Variants in PARVA observed in about 807,000 individuals in gnomAD.
PARVA encodes the protein parvin alpha.
PARVA carries 25 observed loss-of-function variants against 52.6 expected under a neutral mutation model. The observed-to-expected ratio is 0.48, with a 90% CI of 0.35 to 0.66. The LOEUF (loss-of-function observed/expected upper bound fraction) is 0.66, where lower values mean the gene tolerates loss of function less well. Among genes scored for constraint, PARVA ranks in the 30% least tolerant of loss-of-function variants. The probability of loss-of-function intolerance (pLI) is 0.01; values close to 1 mark genes in which losing one functional copy is unlikely to be tolerated. For synonymous variants in PARVA, 185 were observed against 179.1 expected, an observed-to-expected ratio of 1.03 and a Z score of -0.26; for missense variants, 373 against 450.9, an observed-to-expected ratio of 0.83 and a Z score of 1.56.
At chr11:12,474,028 C>G (rs2288290) in intron 3 of PARVA, 45 bp downstream of exon 3, 328,270 of 1,455,632 alleles carry the variant, frequency 0.23, 40,566 homozygotes, top group Admixed American at 0.42. Context: ...ACTGACCCAC[C>G]ATGTGTCCAT....
At chr11:12,437,639 T>C (rs1940404556) in intron 1 of PARVA, among the ~76,000 whole-genome samples, 1 of 152,222 alleles carries the variant, frequency 6.6e-6, no homozygotes, top group South Asian at 2.1e-4. Context: ...ATAGGGATGA[T>C]GCTATGTTGG....
chr11:12,441,489 A>G (rs1940466323), intron 1 of PARVA, among the ~76,000 whole-genome samples: 1 of 152,206 alleles, frequency 6.6e-6, no homozygotes, highest in South Asian at 2.1e-4. Context: ...TAATTGGCTT[A>G]AAGCCTCCAG....
At chr11:12,463,895 T>A (rs1302799442) in intron 1 of PARVA, among the ~76,000 whole-genome samples, 2 of 152,116 alleles carry the variant, frequency 1.3e-5, no homozygotes, top group African/African-American at 2.4e-5. Flanking sequence ...TATAATCCAA[T>A]ACTACTTTAT....
intron 12 of PARVA, among the ~76,000 whole-genome samples, chr11:12,524,753 AC>A (rs144752040): frequency 0.026 from 3,885 of 152,184 alleles, 77 homozygotes; most frequent in Non-Finnish European, 0.043. Context: ...ACGGTGGGCA[AC>A]CATTCATTCA....
intron 1 of PARVA, among the ~76,000 whole-genome samples, chr11:12,430,963 G>A (rs961651194): frequency 9.9e-5 from 15 of 152,198 alleles, no homozygotes; most frequent in Admixed American, 4.6e-4. Flanking sequence ...GCAAATGTTC[G>A]AGAAATTTGA....
At chr11:12,446,848 A>G (rs1379189739) in intron 1 of PARVA, among the ~76,000 whole-genome samples, 4 of 152,200 alleles carry the variant, frequency 2.6e-5, no homozygotes, top group African/African-American at 9.7e-5. Flanking sequence ...TACATTCTCA[A>G]TGTAGCCAGG....
intron 8 of PARVA, among the ~76,000 whole-genome samples, chr11:12,511,996 GAAA>G (rs1411802114): frequency 2.0e-5 from 3 of 152,052 alleles, no homozygotes; most frequent in African/African-American, 7.2e-5. Context: ...AGTGTCCTCA[GAAA>G]AAAACGTTTT....
chr11:12,383,260 G>A (rs1589935641), intron 1 of PARVA, among the ~76,000 whole-genome samples: 1 of 152,224 alleles, frequency 6.6e-6, no homozygotes, highest in East Asian at 1.9e-4. Context: ...CCCTTTCAGA[G>A]TCTACTTGCC....
chr11:12,413,767 GGGGATTCTAA>G (rs1472934044), intron 1 of PARVA, among the ~76,000 whole-genome samples: 1 of 152,220 alleles, frequency 6.6e-6, no homozygotes, highest in African/African-American at 2.4e-5. Flanking sequence ...TTCCCAAGGT[GGGGATTCTAA>G]ACAGCAGAGC....
chr11:12,397,630 T>G (rs184503290), intron 1 of PARVA, among the ~76,000 whole-genome samples: 1 of 152,156 alleles, frequency 6.6e-6, no homozygotes, highest in African/African-American at 2.4e-5. Flanking sequence ...AAACTAAAAG[T>G]TATCCGGATC....
chr11:12,414,705 C>T (rs886244036), intron 1 of PARVA, among the ~76,000 whole-genome samples: 5 of 150,564 alleles, frequency 3.3e-5, no homozygotes, highest in Admixed American at 2.0e-4. Flanking sequence ...TCCTTATAAA[C>T]ATTTGATCTT....
chr11:12,389,631 C>T (rs778595249), intron 1 of PARVA, among the ~76,000 whole-genome samples: 6 of 152,200 alleles, frequency 3.9e-5, no homozygotes, highest in Non-Finnish European at 8.8e-5. Flanking sequence ...GATCCCCTCC[C>T]ACCCATTTCC....
At chr11:12,509,801 C>T (rs549351209) in intron 7 of PARVA, among the ~76,000 whole-genome samples, 18 of 152,236 alleles carry the variant, frequency 1.2e-4, no homozygotes, top group Non-Finnish European at 2.5e-4. Flanking sequence ...CACACCTTGG[C>T]CTTGGTTCTG....
intron 5 of PARVA, among the ~76,000 whole-genome samples, chr11:12,501,054 G>A (rs1176977376): frequency 6.6e-6 from 1 of 150,926 alleles, no homozygotes; most frequent in Non-Finnish European, 1.5e-5. Context: ...TTTGCAGTGA[G>A]ACGAGATCTA....
chr11:12,420,809 A>T (rs1392080886), intron 1 of PARVA, among the ~76,000 whole-genome samples: 1 of 152,194 alleles, frequency 6.6e-6, no homozygotes, highest in African/African-American at 2.4e-5. Flanking sequence ...GATGAGGCCC[A>T]GTGAAGCTGT....
intron 1 of PARVA, among the ~76,000 whole-genome samples, chr11:12,399,577 G>A (rs893201281): frequency 4.6e-5 from 7 of 152,198 alleles, no homozygotes; most frequent in Admixed American, 1.3e-4. Context: ...CAGTTCCCAG[G>A]CTGATGCTGG....
chr11:12,494,297 G>T (rs1330264753), intron 4 of PARVA, among the ~76,000 whole-genome samples: 1 of 152,188 alleles, frequency 6.6e-6, no homozygotes, highest in Non-Finnish European at 1.5e-5. Context: ...ATTGATAGTT[G>T]ACCTCCAGCT....
At chr11:12,423,093 A>T (rs1450365890) in intron 1 of PARVA, among the ~76,000 whole-genome samples, 1 of 151,638 alleles carries the variant, frequency 6.6e-6, no homozygotes, top group Non-Finnish European at 1.5e-5. Context: ...ACCTCAGGTG[A>T]TCTGTCCACC....
intron 5 of PARVA, among the ~76,000 whole-genome samples, chr11:12,503,543 AC>A (rs1325947860): frequency 6.6e-6 from 1 of 151,774 alleles, no homozygotes; most frequent in African/African-American, 2.4e-5. Context: ...CAATAATATG[AC>A]CCAAGAAGGA....
Sources: gnomAD v4.1 joint callset for allele counts (sites outside exome capture counted in the v4.1 genomes callset) on GRCh38, gnomAD v4.1.1 for gene constraint, MANE v1.5 for transcripts, NCBI Gene and HGNC (gene_info 2026-07-23, HGNC 2026-07-21) for gene names.